Variants in DDC observed in about 807,000 individuals in gnomAD.
The protein encoded by DDC is dopa decarboxylase, also known as aromatic-L-amino-acid decarboxylase.
In DDC, 43 loss-of-function variants were observed where a neutral mutation model predicts 60.0. The observed-to-expected ratio is 0.72, with a 90% CI of 0.56 to 0.92. The LOEUF (loss-of-function observed/expected upper bound fraction) is 0.92, where lower values mean the gene tolerates loss of function less well. Ranked by LOEUF, DDC falls within the 40% of genes least tolerant of loss-of-function variation. DDC has a pLI of 0.00. For missense variants in DDC, 573 were observed against 620.2 expected, an observed-to-expected ratio of 0.92 and a Z score of 0.81; for synonymous variants, 232 against 234.6, an observed-to-expected ratio of 0.99 and a Z score of 0.10.
At chr7:50,485,759 T>C (rs1032969434) in intron 9 of DDC, among the ~76,000 whole-genome samples, 5 of 152,168 alleles carry the variant, frequency 3.3e-5, no homozygotes, top group African/African-American at 1.2e-4. Flanking sequence ...TTTCATGATA[T>C]CTGGACAGTG....
At chr7:50,539,436 AG>A (rs1025985363) in intron 3 of DDC, among the ~76,000 whole-genome samples, 2 of 152,168 alleles carry the variant, frequency 1.3e-5, no homozygotes, top group Non-Finnish European at 2.9e-5. Flanking sequence ...GGCAGGAGCT[AG>A]GCCCTTTTCC....
intron 4 of DDC, among the ~76,000 whole-genome samples, chr7:50,536,812 G>T (rs1390027039): frequency 6.6e-6 from 1 of 152,242 alleles, no homozygotes; most frequent in African/African-American, 2.4e-5. Context: ...CTGGCCATGT[G>T]CTCTGCACAA....
intron 1 of DDC, among the ~76,000 whole-genome samples, chr7:50,547,121 G>GTTT (rs2044832781): frequency 6.6e-6 from 1 of 152,068 alleles, no homozygotes; most frequent in Admixed American, 6.5e-5. Flanking sequence ...AACTCAAATG[G>GTTT]TATCACACTG....
chr7:50,505,537 A>G (rs1407045668), intron 6 of DDC, among the ~76,000 whole-genome samples: 1 of 152,232 alleles, frequency 6.6e-6, no homozygotes, highest in East Asian at 1.9e-4. Context: ...TTGTGGCTCC[A>G]TTTCACCTAT....
intron 9 of DDC, chr7:50,493,020 C>G: frequency 6.3e-7 from 1 of 1,583,180 alleles, no homozygotes; most frequent in Non-Finnish European, 8.6e-7. Flanking sequence ...GGGCAGGACG[C>G]CGCATTCATT....
At chr7:50,515,710 A>G (rs912696722) in intron 6 of DDC, among the ~76,000 whole-genome samples, 2 of 152,192 alleles carry the variant, frequency 1.3e-5, no homozygotes, top group South Asian at 4.1e-4. Flanking sequence ...AAGGACTCAC[A>G]TAAACTTAAG....
chr7:50,503,411 T>C (rs146568182), intron 7 of DDC, among the ~76,000 whole-genome samples: 1,911 of 152,274 alleles, frequency 0.013, 28 homozygotes, highest in Non-Finnish European at 0.021. Flanking sequence ...AAACACAGCA[T>C]CCTAGTCTCA....
intron 1 of DDC, among the ~76,000 whole-genome samples, chr7:50,558,917 T>C (rs1302447493): frequency 6.6e-6 from 1 of 151,898 alleles, no homozygotes; most frequent in Non-Finnish European, 1.5e-5. Flanking sequence ...CGGGTGGGAG[T>C]GCTGAGCCCG....
At chr7:50,528,099 C>T (rs1489769501) in intron 6 of DDC, 38 bp downstream of exon 6, 1 of 1,609,942 alleles carries the variant, frequency 6.2e-7, no homozygotes, top group East Asian at 2.2e-5. Flanking sequence ...CGGAGTTTCA[C>T]CTTATTGGCC....
At chr7:50,525,890 T>G (rs1455971206) in intron 6 of DDC, among the ~76,000 whole-genome samples, 1 of 150,064 alleles carries the variant, frequency 6.7e-6, no homozygotes, top group East Asian at 1.9e-4. Flanking sequence ...TGATGAAGCA[T>G]GGAGATTAAA....
chr7:50,472,961 A>T (rs1297765856), intron 11 of DDC, among the ~76,000 whole-genome samples: 1 of 152,164 alleles, frequency 6.6e-6, no homozygotes. Context: ...TTTGAACAAA[A>T]TGAGAATGTC....
At chr7:50,463,682 A>G (rs985891290) in intron 13 of DDC, among the ~76,000 whole-genome samples, 2 of 152,204 alleles carry the variant, frequency 1.3e-5, no homozygotes, top group Admixed American at 6.5e-5. Flanking sequence ...TGACCCTTCC[A>G]TGGTCTAAGT....
chr7:50,547,208 C>CTTTTTTTTTTG (rs2044836701), intron 1 of DDC, among the ~76,000 whole-genome samples: 1 of 148,116 alleles, frequency 6.8e-6, no homozygotes, highest in Non-Finnish European at 1.5e-5. Flanking sequence ...TTTTCTTTTT[C>CTTTTTTTTTTG]TTTTTTTTTT....
chr7:50,525,766 A>AAAAAAT (rs1554429662), intron 6 of DDC, among the ~76,000 whole-genome samples: 2 of 151,998 alleles, frequency 1.3e-5, no homozygotes, highest in Non-Finnish European at 2.9e-5. Context: ...TCTGTCTCAA[A>AAAAAAT]AAAATAAAAT....
At chr7:50,461,761 T>C (rs2042278590) in intron 14 of DDC, among the ~76,000 whole-genome samples, 1 of 152,202 alleles carries the variant, frequency 6.6e-6, no homozygotes, top group Non-Finnish European at 1.5e-5. Context: ...CTTCAACATA[T>C]AAGCCTCTCC....
intron 1 of DDC, among the ~76,000 whole-genome samples, chr7:50,550,636 GT>G (rs1563049864): frequency 1.3e-5 from 2 of 152,354 alleles, no homozygotes; most frequent in Admixed American, 1.3e-4. Flanking sequence ...AAGTACATTA[GT>G]TCCATCCAGA....
intron 14 of DDC, among the ~76,000 whole-genome samples, chr7:50,460,541 G>T (rs2042249333): frequency 1.3e-5 from 2 of 151,618 alleles, no homozygotes; most frequent in Admixed American, 1.3e-4. Context: ...CACCCCGTCT[G>T]GGAGGTGTAC....
At chr7:50,479,738 A>G in intron 10 of DDC, 49 bp downstream of exon 10, 1 of 1,535,400 alleles carries the variant, frequency 6.5e-7, no homozygotes, top group South Asian at 1.1e-5. Context: ...GGCAGCTCTG[A>G]GGGGAACAAG....
In DDC at chr7:50,476,559, C is replaced by T. The variant is rs1490926621; in HGVS notation, c.1041+65G>A. On this transcript the variant is annotated intron_variant, in intron 11 of 14. Transcript: ENST00000444124. ...TGAGAGTGGGGGAGGAGATGTGTGA[C>T]AGCTGTGGCGTAGCCCCCCAGCACT... 6.7e-6 allele frequency: 9 copies of T among 1,346,000 alleles called. No individual in the cohort carries two copies. The East Asian group carries it at 1.4e-4, about 21-fold the overall frequency. 83.4% of individuals were successfully genotyped at this position (1,346,000 alleles called of 1,614,324 possible). A position where few individuals can be genotyped will look rare whatever the true frequency, so the allele number is the denominator to read the frequency against.
Sources: gnomAD v4.1 joint callset for allele counts (sites outside exome capture counted in the v4.1 genomes callset) on GRCh38, gnomAD v4.1.1 for gene constraint, MANE v1.5 for transcripts, NCBI Gene and HGNC (gene_info 2026-07-23, HGNC 2026-07-21) for gene names.